The following PRDM16 variants were observed in gnomAD, a reference collection of about 807,000 sequenced individuals.
The protein encoded by PRDM16 is histone-lysine N-methyltransferase PRDM16.
Under a neutral mutation model 110.6 loss-of-function variants are expected in PRDM16, and 23 were observed. The ratio of observed to expected loss-of-function variants is 0.21; its 90% CI spans 0.15 to 0.29. The LOEUF (loss-of-function observed/expected upper bound fraction) is 0.29, where lower values mean the gene tolerates loss of function less well. PRDM16 is among the 10% of genes least tolerant of loss of function. The probability of loss-of-function intolerance (pLI) is 1.00; values close to 1 mark genes in which losing one functional copy is unlikely to be tolerated. For synonymous variants in PRDM16, 799 were observed against 781.8 expected (o/e 1.02, Z -0.37); for missense variants, 1,615 against 1,794.3 (o/e 0.90, Z 1.81).
At chr1:3,182,750 A>G (rs1436457422) in intron 1 of PRDM16, among the ~76,000 whole-genome samples, 1 of 152,192 alleles carries the variant, frequency 6.6e-6, no homozygotes, top group African/African-American at 2.4e-5. Context: ...ACGATCGCTC[A>G]TACGTGTGTG....
chr1:3,194,746 G>A lies in PRDM16; in HGVS notation c.387+8272G>A, dbSNP rs140642568. 4.1e-3 allele frequency among the ~76,000 whole-genome samples: 627 copies of A among 151,306 alleles called. 6 individuals are homozygous for A. The highest frequency in any genetic ancestry group is 0.015 in the African/African-American group (595 of 40,906). On this transcript the variant is annotated intron_variant, in intron 2 of 16. Coordinates refer to ENST00000270722, the MANE Select transcript of PRDM16 (RefSeq NM_022114.4). Reference sequence around the variant, plus strand: ...CCCCGCCACACGCCACCGTCTGATCGCCACACATTAGGGCTTGGTATTCTC... The same window carrying A: ...CCCCGCCACACGCCACCGTCTGATCACCACACATTAGGGCTTGGTATTCTC...
chr1:3,123,918 G>A (rs1305456375), intron 1 of PRDM16, among the ~76,000 whole-genome samples: 1 of 152,244 alleles, frequency 6.6e-6, no homozygotes, highest in Non-Finnish European at 1.5e-5. Flanking sequence ...CTGTCTCCGA[G>A]CACCTGGGCT....
intron 3 of PRDM16, among the ~76,000 whole-genome samples, chr1:3,335,190 C>T (rs1642119383): frequency 6.6e-6 from 1 of 152,238 alleles, no homozygotes; most frequent in African/African-American, 2.4e-5. Context: ...GCCCCAGCGT[C>T]CTGCTCTGAG....
At chr1:3,307,071 C>T (rs1010369900) in intron 3 of PRDM16, 2 of 152,268 alleles carry the variant, frequency 1.3e-5, no homozygotes. Context: ...TGTGCTTATC[C>T]ATCCATCCAC....
chr1:3,348,504 T>C (rs1642410249), intron 3 of PRDM16, among the ~76,000 whole-genome samples: 1 of 152,174 alleles, frequency 6.6e-6, no homozygotes, highest in Admixed American at 6.5e-5. Context: ...TGGGCACGGC[T>C]TCTGCTGCCC....
chr1:3,193,293 G>A (rs904250879), intron 2 of PRDM16, among the ~76,000 whole-genome samples: 75 of 152,188 alleles, frequency 4.9e-4, no homozygotes, highest in African/African-American at 1.5e-3. Flanking sequence ...GCTCCTGCCC[G>A]GCCCCCCAAG....
At chr1:3,070,873 G>A (rs1027459216) in intron 1 of PRDM16, among the ~76,000 whole-genome samples, 1 of 152,160 alleles carries the variant, frequency 6.6e-6, no homozygotes. Flanking sequence ...TGGGTGAGGC[G>A]CCCCCTTCCC....
intron 1 of PRDM16, among the ~76,000 whole-genome samples, chr1:3,168,833 C>T (rs1479200414): frequency 6.6e-6 from 1 of 152,182 alleles, no homozygotes; most frequent in Non-Finnish European, 1.5e-5. Context: ...AGGACCCTGC[C>T]AGGTGGCCAC....
intron 1 of PRDM16, among the ~76,000 whole-genome samples, chr1:3,126,587 G>A (rs1166215278): frequency 1.3e-5 from 2 of 152,160 alleles, no homozygotes; most frequent in African/African-American, 4.8e-5. Flanking sequence ...CCAAGCAGTG[G>A]CCTACCGTGC....
chr1:3,295,305 G>A (rs1315404803), intron 3 of PRDM16, among the ~76,000 whole-genome samples: 2 of 152,150 alleles, frequency 1.3e-5, no homozygotes, highest in Non-Finnish European at 2.9e-5. Context: ...TTTAAATGAG[G>A]GTGCAGCTCA....
chr1:3,382,554 C>T lies in PRDM16; in HGVS notation c.439-2598C>T, dbSNP rs1027842037. Among the ~76,000 whole-genome samples, 2 of 152,194 alleles carry T rather than the reference C, an allele frequency of 1.3e-5. No homozygotes were observed. The highest frequency in any genetic ancestry group is 1.3e-4 in the Admixed American group (2 of 15,290). On this transcript the variant is annotated intron_variant, in intron 3 of 16. Transcript: ENST00000270722. This position sits in a 1 kb window ranked among gnomAD's most constrained non-coding sequence, Gnocchi z 6.6. Reference sequence around the variant, plus strand: ...GGTGGCCACAGACTCCCCACCAAAGCGAGGCTTGAGCCAGCCGGGGCCCAG... The same window carrying T: ...GGTGGCCACAGACTCCCCACCAAAGTGAGGCTTGAGCCAGCCGGGGCCCAG...
chr1:3,383,082 C>T (rs931568094), intron 3 of PRDM16, among the ~76,000 whole-genome samples: 2 of 152,240 alleles, frequency 1.3e-5, no homozygotes, highest in Non-Finnish European at 2.9e-5. Flanking sequence ...AATTCACGGC[C>T]AACCCTGGGC....
chr1:3,314,070 C>A (rs933454371), intron 3 of PRDM16, among the ~76,000 whole-genome samples: 1 of 89,656 alleles, frequency 1.1e-5, no homozygotes, highest in South Asian at 3.1e-4. Flanking sequence ...TCCTTCCCCA[C>A]CGGGGGGGGG....
In PRDM16 at chr1:3,157,202, C is replaced by T. The variant is rs973992820; in HGVS notation, c.38-28923C>T. Among the ~76,000 whole-genome samples the T allele has an allele frequency of 4.6e-5, 7 of 152,066 alleles. No individual in the cohort carries two copies. In the South Asian group the frequency reaches 6.2e-4, roughly 14 times the overall value. ...GAGGGCCGCTCGGCAACCGCTGAGC[C>T]GGCGCAAGAGCTCAGGCCCTCAGGG... On this transcript the variant is annotated intron_variant, in intron 1 of 16. Coordinates refer to ENST00000270722, the MANE Select transcript of PRDM16 (RefSeq NM_022114.4). This position sits in a 1 kb window ranked among gnomAD's most constrained non-coding sequence, Gnocchi z 4.8.
chr1:3,111,757 C>A (rs568038692), intron 1 of PRDM16, among the ~76,000 whole-genome samples: 1 of 152,126 alleles, frequency 6.6e-6, no homozygotes, highest in Non-Finnish European at 1.5e-5. Flanking sequence ...TTTTTCTTCG[C>A]GGCTGAAAAG....
Position 3,080,596 on chromosome 1 carries a change from T to C in PRDM16, c.37+11300T>C, listed in dbSNP as rs1356522040. ...GGTGGTGTCCTCTGAAACCCCAAAT[T>C]TTGTTTCATCAACTCGGCTGACAAT... On this transcript the variant is annotated intron_variant, in intron 1 of 16. Coordinates refer to ENST00000270722, the MANE Select transcript of PRDM16 (RefSeq NM_022114.4). This position sits in a 1 kb window ranked among gnomAD's most constrained non-coding sequence, Gnocchi z 5.2. Among the ~76,000 whole-genome samples the C allele has an allele frequency of 6.6e-6, 1 of 152,074 alleles. No homozygotes were observed. The highest frequency in any genetic ancestry group is 2.4e-5 in the African/African-American group (1 of 41,392).
intron 3 of PRDM16, among the ~76,000 whole-genome samples, chr1:3,364,150 G>A (rs1261378388): frequency 2.0e-5 from 3 of 152,098 alleles, no homozygotes; most frequent in Non-Finnish European, 2.9e-5. Context: ...CTCCAGGTGG[G>A]TTTCTGGAAG....
Position 3,201,291 on chromosome 1 carries a change from G to T in PRDM16, c.387+14817G>T, listed in dbSNP as rs202066670. On this transcript the variant is annotated intron_variant, in intron 2 of 16. Coordinates refer to ENST00000270722, the MANE Select transcript of PRDM16 (RefSeq NM_022114.4). This position sits in a 1 kb window ranked among gnomAD's most constrained non-coding sequence, Gnocchi z 4.1. ...TTGCCTCTAAAATTCGCTTTGTCAT[G>T]GGATTTAAAATTACTTCAATTGCAC... 1.1e-4 allele frequency among the ~76,000 whole-genome samples: 4 copies of T among 35,304 alleles called. No individual in the cohort carries two copies. Among genetic ancestry groups the T allele is most frequent in the Non-Finnish European group, 1.7e-4 (3 of 17,574 alleles). 23.2% of individuals were successfully genotyped at this position (35,304 alleles called of 152,430 possible). A position where few individuals can be genotyped will look rare whatever the true frequency, so the allele number is the denominator to read the frequency against.
intron 1 of PRDM16, among the ~76,000 whole-genome samples, chr1:3,123,524 TCA>T (rs971575546): frequency 6.6e-5 from 10 of 152,146 alleles, no homozygotes; most frequent in Middle Eastern, 3.2e-3. Flanking sequence ...CCCACCTGGT[TCA>T]CCCTTTCAGC....
Sources: gnomAD v4.1 joint callset for allele counts (sites outside exome capture counted in the v4.1 genomes callset) on GRCh38, gnomAD v4.1.1 for gene constraint, Gnocchi (gnomAD v3.1) non-coding constraint, MANE v1.5 for transcripts, NCBI Gene and HGNC (gene_info 2026-07-23, HGNC 2026-07-21) for gene names.